COL6A5: variants seen among roughly 807,000 people sequenced by gnomAD.
COL6A5 encodes collagen type VI alpha 5 chain, also known as collagen alpha-5(VI) chain.
A neutral mutation model predicts 65.6 loss-of-function variants in COL6A5; 48 were observed. That is an observed-to-expected ratio of 0.73 (90% CI 0.58 to 0.93). The LOEUF is 0.93. Among genes scored for constraint, COL6A5 ranks in the 40% least tolerant of loss-of-function variants. The pLI, the probability that COL6A5 is intolerant of heterozygous loss-of-function variation, is 0.00. For synonymous variants in COL6A5, 291 were observed against 322.8 expected (o/e 0.90, Z 1.05); for missense variants, 914 against 928.3 (o/e 0.98, Z 0.20).
rs182910069 is a variant in COL6A5, at chr3:130,469,008, G to A, written c.1760G>A (p.Arg587Lys). Residue 587 changes from arginine (R) to lysine (K), a missense_variant, in exon 6 of 8, where the codon AGG (arginine) becomes AAG (lysine). Coordinates refer to ENST00000512836, the Ensembl canonical transcript of COL6A5. ...CCACTGACCTCCACCTTAGGAGACA[G>A]GGTTGCTGTCCTGAGCTACTCTCCT... 18 of 1,612,876 alleles carry A rather than the reference G, an allele frequency of 1.1e-5. No individual in the cohort carries two copies. In the Admixed American group the frequency reaches 2.8e-4, roughly 25 times the overall value.
chr3:130,428,085 C>T (rs895354837), upstream of COL6A5, among the ~76,000 whole-genome samples: 1 of 151,998 alleles, frequency 6.6e-6, no homozygotes, highest in Non-Finnish European at 1.5e-5. Flanking sequence ...GAGGTGAGGA[C>T]CAGCATTGGA....
chr3:130,422,394 ATTAT>A (rs1209373748), intron 27 of COL6A5, among the ~76,000 whole-genome samples: 5 of 152,034 alleles, frequency 3.3e-5, no homozygotes, highest in African/African-American at 7.2e-5. Flanking sequence ...AAAGTAATTC[ATTAT>A]TTATTTCATA....
At chr3:130,384,950 G>A (rs1936130912) in exon 5 of COL6A5, 3 of 1,551,040 alleles carry the variant, frequency 1.9e-6, no homozygotes, top group Non-Finnish European at 2.6e-6. Context: ...CCGAGTTGGA[G>A]TTGTGCAGTA....
Position 130,379,671 on chromosome 3 carries a change from C to G in COL6A5, c.921C>G (p.Ile307Met), listed in dbSNP as rs757739603. The change falls in exon 4 of 42, where the codon ATC (isoleucine) becomes ATG (methionine). Residue 307 changes from isoleucine to methionine, a missense_variant and NMD_transcript_variant. Physicochemically the swap from Ile to Met is conservative, Grantham distance 10. Transcript: ENST00000312481. ...AGCAGCAAATCAAGAATCTTTCTAT[C>G]CAAGTTGGGAAATCCAATACAGGGG... 66 of 1,551,298 alleles carry G rather than the reference C, an allele frequency of 4.3e-5. No individual in the cohort carries two copies. Among genetic ancestry groups the G allele is most frequent in the Non-Finnish European group, 5.7e-5 (65 of 1,146,832 alleles).
At chr3:130,440,824 G>C (rs368345789) in exon 3 of COL6A5, 35 of 1,604,244 alleles carry the variant, frequency 2.2e-5, no homozygotes, top group Non-Finnish European at 2.9e-5. Flanking sequence ...ACTCGGTCAG[G>C]CGTAAGTTAT....
chr3:130,471,643 G>A (rs1191134967), intron 7 of COL6A5, 39 bp from the exon 40 acceptor site: 4 of 1,520,462 alleles, frequency 2.6e-6, no homozygotes, highest in Non-Finnish European at 3.5e-6. Flanking sequence ...CAGGGGACTT[G>A]GCTAACTAAT....
intron 7 of COL6A5, among the ~76,000 whole-genome samples, chr3:130,475,618 G>T (rs1425086486): frequency 6.6e-6 from 1 of 152,104 alleles, no homozygotes; most frequent in Non-Finnish European, 1.5e-5. Context: ...TCCTAAAGGA[G>T]AAATATGTGA....
intron 1 of COL6A5, among the ~76,000 whole-genome samples, chr3:130,436,653 C>A (rs146774760): frequency 0.033 from 4,956 of 152,240 alleles, 106 homozygotes; most frequent in South Asian, 0.091. Flanking sequence ...CAGTATACAA[C>A]ATTGTTGATC....
chr3:130,363,976 A>G (rs919083788), intron 1 of COL6A5, among the ~76,000 whole-genome samples: 5 of 152,164 alleles, frequency 3.3e-5, no homozygotes, highest in African/African-American at 1.2e-4. Flanking sequence ...AAAAATTGTT[A>G]ATTTTCAGTT....
In COL6A5 at chr3:130,406,314, G is replaced by A. The variant is rs780808528; in HGVS notation, c.4472G>A (p.Gly1491Glu). 4.3e-5 allele frequency: 66 copies of A among 1,548,888 alleles called. 1 individual carries two copies. Among genetic ancestry groups the A allele is most frequent in the South Asian group, 4.0e-4 (34 of 83,976 alleles). The stretch of plus-strand genomic sequence containing the variant: ...ATAAAAGGAGAAAAAGGTGATCCAG[G>A]ATCTCAGGTAACACTTTTCTTTTCA... Residue 1491 changes from glycine to glutamate, a missense_variant and NMD_transcript_variant, in exon 17 of 42, where the codon GGA becomes GAA. Gly to Glu is a moderately conservative substitution (Grantham distance 98, BLOSUM62 -2). Transcript: ENST00000312481.
At chr3:130,407,667 A>G (rs575579893) in intron 17 of COL6A5, among the ~76,000 whole-genome samples, 3 of 152,336 alleles carry the variant, frequency 2.0e-5, no homozygotes, top group South Asian at 4.1e-4. Context: ...TCTGCACCTT[A>G]GGTGCCTCTC....
chr3:130,483,950 T>A, intron 7 of COL6A5, 85 bp from the exon 41 acceptor site: 2 of 1,134,146 alleles, frequency 1.8e-6, no homozygotes, highest in East Asian at 4.9e-5. Flanking sequence ...GTTTTATATG[T>A]GGCATATAAA....
intron 4 of COL6A5, 47 bp downstream of exon 4, chr3:130,380,097 G>T: frequency 7.5e-7 from 1 of 1,329,142 alleles, no homozygotes. Context: ...AATATAAGTG[G>T]TTACCTAGGA....
chr3:130,414,090 C>A, exon 22 of COL6A5: 1 of 1,550,750 alleles, frequency 6.4e-7, no homozygotes, highest in Non-Finnish European at 8.7e-7. Context: ...AAATCCTGGA[C>A]CTACAGGCAC....
chr3:130,450,298 A>T (rs573294483), intron 4 of COL6A5, among the ~76,000 whole-genome samples: 9 of 152,130 alleles, frequency 5.9e-5, no homozygotes, highest in Admixed American at 6.5e-5. Flanking sequence ...AGCGGCAAAT[A>T]TTTGCCCAAT....
At chr3:130,345,723 C>T in exon 1 of COL6A5, 1 of 398,712 alleles carries the variant, frequency 2.5e-6, no homozygotes, top group Non-Finnish European at 4.4e-6. Context: ...AAGAGCCAGG[C>T]CAAGGGCACG....
intron 5 of COL6A5, among the ~76,000 whole-genome samples, chr3:130,461,129 G>A (rs775744906): frequency 8.5e-5 from 13 of 152,116 alleles, no homozygotes; most frequent in Non-Finnish European, 1.3e-4. Flanking sequence ...GGGGAAATCA[G>A]GGAGATTTAA....
At chr3:130,434,181 C>T (rs1401805429) in intron 1 of COL6A5, among the ~76,000 whole-genome samples, 5 of 152,074 alleles carry the variant, frequency 3.3e-5, no homozygotes, top group African/African-American at 9.7e-5. Context: ...AGTGAGAACA[C>T]GCGGTGTTTG....
intron 10 of COL6A5, among the ~76,000 whole-genome samples, chr3:130,398,496 G>A (rs910079688): frequency 1.3e-4 from 20 of 152,160 alleles, no homozygotes; most frequent in African/African-American, 4.1e-4. Context: ...CTCAGATGCT[G>A]TAGATCTTGA....
Sources: gnomAD v4.1 joint callset for allele counts (sites outside exome capture counted in the v4.1 genomes callset) on GRCh38, gnomAD v4.1.1 for gene constraint, MANE v1.5 for transcripts, NCBI Gene and HGNC (gene_info 2026-07-23, HGNC 2026-07-21) for gene names.